The following HEPHL1 variants were observed in gnomAD, a reference collection of about 807,000 sequenced individuals.
The protein encoded by HEPHL1 is ferroxidase HEPHL1.
In HEPHL1, 123 loss-of-function variants were observed where a neutral mutation model predicts 122.0. The observed-to-expected ratio is 1.01, with a 90% CI of 0.87 to 1.17. The LOEUF is 1.17. Among genes scored for constraint, HEPHL1 ranks in the 50% most tolerant of loss-of-function variants. The pLI, the probability that HEPHL1 is intolerant of heterozygous loss-of-function variation, is 0.00. For missense variants in HEPHL1, 1,452 were observed against 1,430.5 expected (o/e 1.01, Z -0.24); for synonymous variants, 527 against 508.9 (o/e 1.04, Z -0.48).
intron 7 of HEPHL1, 67 bp downstream of exon 7, chr11:94,073,231 A>C (rs1565355031): frequency 5.6e-6 from 9 of 1,607,856 alleles, no homozygotes; most frequent in Middle Eastern, 1.7e-4. Flanking sequence ...GTACATCTGC[A>C]CAGAATGACT....
chr11:94,073,904 A>T (rs1360708813), intron 8 of HEPHL1, among the ~76,000 whole-genome samples: 2 of 152,166 alleles, frequency 1.3e-5, no homozygotes, highest in African/African-American at 4.8e-5. Context: ...ATATATTTAT[A>T]AAAAACAGTA....
intron 13 of HEPHL1, among the ~76,000 whole-genome samples, chr11:94,094,875 T>A (rs1041753666): frequency 1.3e-5 from 2 of 152,164 alleles, no homozygotes; most frequent in East Asian, 1.9e-4. Context: ...GTTTGAGTTC[T>A]TTGTAGATTC....
At chr11:94,061,714 C>G (rs1945986340) in intron 2 of HEPHL1, among the ~76,000 whole-genome samples, 1 of 152,084 alleles carries the variant, frequency 6.6e-6, no homozygotes, top group Non-Finnish European at 1.5e-5. Context: ...GTATTATATT[C>G]TCACCTCGTA....
intron 1 of HEPHL1, among the ~76,000 whole-genome samples, chr11:94,036,695 C>A (rs1945727809): frequency 6.6e-6 from 1 of 151,964 alleles, no homozygotes; most frequent in African/African-American, 2.4e-5. Context: ...AAAAATTAGC[C>A]CGGCGTGGTG....
chr11:94,093,973 T>TAGATAGATAGATAG (rs200458161), intron 13 of HEPHL1, among the ~76,000 whole-genome samples: 4 of 47,870 alleles, frequency 8.4e-5, no homozygotes, highest in African/African-American at 3.0e-4. Flanking sequence ...CTCCAGCAGA[T>TAGATAGATAGATAG]ATATATATAT....
At chr11:94,082,130 G>T (rs1431141825) in intron 9 of HEPHL1, among the ~76,000 whole-genome samples, 1 of 152,214 alleles carries the variant, frequency 6.6e-6, no homozygotes, top group Non-Finnish European at 1.5e-5. Flanking sequence ...AGGAGAAAAA[G>T]TCCTTGAGGA....
chr11:94,054,648 A>C (rs1945920369), intron 2 of HEPHL1, among the ~76,000 whole-genome samples: 1 of 152,190 alleles, frequency 6.6e-6, no homozygotes, highest in African/African-American at 2.4e-5. Flanking sequence ...CAACGATAGG[A>C]TGGAGGCTAC....
At chr11:94,088,291 A>G (rs1591483302) in intron 11 of HEPHL1, among the ~76,000 whole-genome samples, 1 of 152,212 alleles carries the variant, frequency 6.6e-6, no homozygotes, top group East Asian at 1.9e-4. Flanking sequence ...TAACACTTAC[A>G]TATTTATTGC....
At chr11:94,069,569 A>G (rs115758863) in intron 5 of HEPHL1, among the ~76,000 whole-genome samples, 2 of 152,320 alleles carry the variant, frequency 1.3e-5, no homozygotes, top group African/African-American at 4.8e-5. Flanking sequence ...GCTGCACTGT[A>G]GCTAATTTTT....
At chr11:94,053,695 T>C (rs545263553) in intron 2 of HEPHL1, among the ~76,000 whole-genome samples, 67 of 152,356 alleles carry the variant, frequency 4.4e-4, no homozygotes, top group South Asian at 3.1e-3. Flanking sequence ...ATTTCCCTTG[T>C]GATTTCTTCT....
At chr11:94,070,314 CT>C in intron 5 of HEPHL1, 59 bp from the exon 6 acceptor site, 1 of 1,488,534 alleles carries the variant, frequency 6.7e-7, no homozygotes, top group Non-Finnish European at 9.0e-7. Flanking sequence ...CAGTCTTTTC[CT>C]ATATGATTCC....
At position 94,047,636 on chromosome 11, in the gene HEPHL1, G is replaced by A. The variant is rs763516200; in HGVS notation, c.415+1719G>A. Among the ~76,000 whole-genome samples, 76 of 152,186 alleles carry A rather than the reference G, an allele frequency of 5.0e-4. No homozygotes were observed. In the Middle Eastern group the frequency reaches 0.014, roughly 27 times the overall value. On this transcript the variant is annotated intron_variant, in intron 2 of 19. Coordinates refer to ENST00000315765, the MANE Select transcript of HEPHL1 (RefSeq NM_001098672.2). The stretch of plus-strand genomic sequence containing the variant: ...ATGGGAGTTCAGGTTGACTCCATGT[G>A]TCTTATTTATGCTGCACGTAGCAAG...
intron 1 of HEPHL1, among the ~76,000 whole-genome samples, chr11:94,029,031 A>G (rs566054280): frequency 9.9e-5 from 15 of 152,146 alleles, no homozygotes; most frequent in Non-Finnish European, 1.5e-4. Context: ...ATCTCACTGT[A>G]TTGCCCAGGC....
chr11:94,027,051 G>A (rs527859421), intron 1 of HEPHL1, among the ~76,000 whole-genome samples: 3 of 152,154 alleles, frequency 2.0e-5, no homozygotes, highest in African/African-American at 7.2e-5. Context: ...AATGCCTCTG[G>A]AGGTTCTAAG....
In HEPHL1 at chr11:94,083,726, C is replaced by T. The variant is rs148942724; in HGVS notation, c.1867+1158C>T. Among the ~76,000 whole-genome samples the T allele has an allele frequency of 1.7e-3, 261 of 151,922 alleles. 1 individual carries two copies. The highest frequency in any genetic ancestry group is 0.017 in the Middle Eastern group (5 of 294). ...TATGGTCCCAGATGCTCATTTCCAA[C>T]AGAGTCCCCTCTTGTGCCAATGGAA... On this transcript the variant is annotated intron_variant, in intron 10 of 19. Coordinates refer to ENST00000315765, the MANE Select transcript of HEPHL1 (RefSeq NM_001098672.2).
In HEPHL1 at chr11:94,073,066, G is replaced by A. The variant is rs1258202298; in HGVS notation, c.1274G>A (p.Gly425Glu). ...LYFTQGDNRI[G>E]GKYWKVRYTE... ...TTCACACAAGGGGACAACAGAATAG[G>A]AGGAAAATACTGGAAGGTTCGGTAT... The change falls in exon 7 of 20, where the codon GGA (glycine) becomes GAA (glutamate). Residue 425 changes from glycine (G) to glutamate (E), a missense_variant. By Grantham distance (98) the Gly-to-Glu change is moderately conservative. Transcript: ENST00000315765. 1.9e-6 allele frequency: 3 copies of A among 1,612,748 alleles called. No homozygotes were observed. The highest frequency in any genetic ancestry group is 3.3e-4 in the Middle Eastern group (2 of 6,076).
In HEPHL1 at chr11:94,097,954, C is replaced by T. The variant is rs535975264; in HGVS notation, c.2435-3241C>T. Among the ~76,000 whole-genome samples the T allele has an allele frequency of 2.7e-5, 4 of 149,720 alleles. 1 individual carries two copies. In the South Asian group the frequency reaches 8.4e-4, roughly 31 times the overall value. Reference sequence around the variant, plus strand: ...TCCTGAATACAGCACACTGATGGGTCTTGACTCTTTATCCAATTTGCCAGT... The same window carrying T: ...TCCTGAATACAGCACACTGATGGGTTTTGACTCTTTATCCAATTTGCCAGT... On this transcript the variant is annotated intron_variant, in intron 13 of 19. Transcript: ENST00000315765.
chr11:94,086,877 C>T lies in HEPHL1; in HGVS notation c.2080+688C>T, dbSNP rs180817632. ...TGCATGAAAAGTGAGGAGAACAAGC[C>T]CTATAGACATTGAACATGTTTTTCC... is the stretch of plus-strand genomic sequence containing the variant. On this transcript the variant is annotated intron_variant, in intron 11 of 19. Transcript: ENST00000315765. Among the ~76,000 whole-genome samples the T allele has an allele frequency of 2.0e-5, 3 of 152,268 alleles. No individual in the cohort carries two copies. The East Asian group carries it at 5.8e-4, about 29-fold the overall frequency.
In HEPHL1 at chr11:94,112,851, C is replaced by G. The variant is rs1325727374; in HGVS notation, c.*957C>G. ...CAGTTAGAGGGAATCTTTACAAGTC[C>G]TCATCTTCTATGAAATTATAACATT... On this transcript the variant is annotated 3_prime_UTR_variant, in exon 20 of 20. Coordinates refer to ENST00000315765, the MANE Select transcript of HEPHL1 (RefSeq NM_001098672.2). The G allele has an allele frequency of 6.6e-6, 1 of 152,098 alleles. No homozygotes were observed. Among genetic ancestry groups the G allele is most frequent in the African/African-American group, 2.4e-5 (1 of 41,400 alleles). The allele number at this position is 152,098 out of a possible 1,614,324, so 9.4% of individuals were successfully genotyped here.
Sources: gnomAD v4.1 joint callset for allele counts (sites outside exome capture counted in the v4.1 genomes callset) on GRCh38, gnomAD v4.1.1 for gene constraint, MANE v1.5 for transcripts, NCBI Gene and HGNC (gene_info 2026-07-23, HGNC 2026-07-21) for gene names.